Variants in ZNF836 observed in about 807,000 individuals in gnomAD.
The protein encoded by ZNF836 is zinc finger protein 836.
In ZNF836, 12 loss-of-function variants were observed where a neutral mutation model predicts 7.4. That is an observed-to-expected ratio of 1.61 (90% CI 1.03 to 2.61). ZNF836 has a LOEUF of 2.61. ZNF836 is among the 30% of genes most tolerant of loss of function. The probability of loss-of-function intolerance (pLI) is 0.00; values close to 1 mark genes in which losing one functional copy is unlikely to be tolerated. For missense variants in ZNF836, 998 were observed against 1,126.2 expected (o/e 0.89, Z 1.63); for synonymous variants, 365 against 382.6 (o/e 0.95, Z 0.54).
At chr19:52,165,300 A>G (rs919270) in intron 3 of ZNF836, 119,640 of 152,128 alleles carry the variant, frequency 0.79, 47,435 homozygotes, top group African/African-American at 0.84. Context: ...CATCTGTGGT[A>G]AAGATAGCAT....
In ZNF836 at chr19:52,154,845, T is replaced by C. The variant is rs1600136059; in HGVS notation, c.*27A>G. The C allele has an allele frequency of 6.8e-7, 1 of 1,466,644 alleles. No individual in the cohort carries two copies. Among genetic ancestry groups the C allele is most frequent in the Non-Finnish European group, 9.0e-7 (1 of 1,106,348 alleles). The allele number at this position is 1,466,644 out of a possible 1,614,324, so 90.9% of individuals were successfully genotyped here. ...TGAGATTTCAGACGGAAGTGACAAATATACAAGCTATATCAATAAGTATGA... is the reference window on the plus strand; with the variant it reads ...TGAGATTTCAGACGGAAGTGACAAACATACAAGCTATATCAATAAGTATGA... On this transcript the variant is annotated 3_prime_UTR_variant, in exon 5 of 5. Transcript: ENST00000682614.
At chr19:52,165,116 C>T (rs919272) in intron 3 of ZNF836, 126,531 of 152,226 alleles carry the variant, frequency 0.83, 53,055 homozygotes, top group African/African-American at 0.89. Flanking sequence ...GCAAAGAAAA[C>T]GTAAGCAAGA....
Position 52,154,865 on chromosome 19 carries a change from G to A in ZNF836, c.*7C>T. The A allele has an allele frequency of 6.6e-7, 1 of 1,504,120 alleles. No homozygotes were observed. 93.2% of individuals were successfully genotyped at this position (1,504,120 alleles called of 1,614,324 possible). A position where few individuals can be genotyped will look rare whatever the true frequency, so the allele number is the denominator to read the frequency against. On this transcript the variant is annotated 3_prime_UTR_variant, in exon 5 of 5. Transcript: ENST00000682614. ...ACAAATATACAAGCTATATCAATAA[G>A]TATGAATTATTTGAACCCAGAAGTT...
Position 52,155,887 on chromosome 19 carries a change from C to T in ZNF836, c.1796G>A (p.Arg599His), listed in dbSNP as rs768321859. The stretch of plus-strand genomic sequence containing the variant: ...CTGCCCAGTATGAATTCTTAGATGA[C>T]GTGCTAGGCATGAGTAGTTCCTGAA... Reference protein sequence around the residue: ...TVFRNYSCLARHLRIHTGQKP... With the variant: ...TVFRNYSCLAHHLRIHTGQKP... The change falls in exon 5 of 5, where the codon CGT becomes CAT. Residue 599 changes from arginine (R) to histidine (H), a missense_variant. Coordinates refer to ENST00000682614, the MANE Select transcript of ZNF836 (RefSeq NM_001102657.3). The T allele has an allele frequency of 3.3e-5, 53 of 1,613,966 alleles. No individual in the cohort carries two copies. The highest frequency in any genetic ancestry group is 1.6e-4 in the African/African-American group (12 of 75,030).
In ZNF836 at chr19:52,155,184, AG is replaced by A. The variant is rs1160232154; in HGVS notation, c.2498del (p.Pro833LeufsTer50). On this transcript the variant is annotated frameshift_variant, in exon 5 of 5. Coordinates refer to ENST00000682614, the MANE Select transcript of ZNF836 (RefSeq NM_001102657.3). LOFTEE classifies it low-confidence loss of function (END_TRUNC). The part of the protein sequence containing the change: ...NHQKMHTGDK[P>X]YKCNECGKAF... ...CTTTACCACATTCATTACATTTGTA[AG>A]GTTTGTCCCCAGTATGCATTTTCTG... The A allele has an allele frequency of 6.2e-7, 1 of 1,613,812 alleles. No individual in the cohort carries two copies. Among genetic ancestry groups the A allele is most frequent in the African/African-American group, 1.3e-5 (1 of 74,838 alleles).
chr19:52,164,503 A>C (rs59011815), intron 3 of ZNF836, among the ~76,000 whole-genome samples: 1 of 22,112 alleles, frequency 4.5e-5, no homozygotes, highest in African/African-American at 2.8e-4. Flanking sequence ...AAAAGAGAGA[A>C]AGAAAGAAAG....
Position 52,154,695 on chromosome 19 carries a change from A to G in ZNF836, c.*177T>C. Reference sequence around the variant, plus strand: ...ACAAACAAAAAAACAAGATCTCACCAGAACTCACTATCCCAAGAAGAGCAA... The same window carrying G: ...ACAAACAAAAAAACAAGATCTCACCGGAACTCACTATCCCAAGAAGAGCAA... On this transcript the variant is annotated 3_prime_UTR_variant, in exon 5 of 5. Transcript: ENST00000682614. The G allele has an allele frequency of 5.7e-6, 3 of 526,866 alleles. No homozygotes were observed. In the East Asian group the frequency reaches 9.4e-5, roughly 16 times the overall value. 32.6% of individuals were successfully genotyped at this position (526,866 alleles called of 1,614,324 possible).
At position 52,156,905 on chromosome 19, in the gene ZNF836, G is replaced by C; in HGVS notation, c.778C>G (p.Leu260Val). The change falls in exon 5 of 5, where the codon CTA becomes GTA. Residue 260 changes from leucine (L) to valine (V), a missense_variant. Coordinates refer to ENST00000682614, the MANE Select transcript of ZNF836 (RefSeq NM_001102657.3). ...ECGKAFHRGS[L>V]LTIHQIVHTR... is the part of the protein sequence containing the mutation. ...TGGACTATCTGATGTATAGTTAGTAGTGAGCCCCGATGAAAGGCTTTGCCA... is the reference window on the plus strand; with the variant it reads ...TGGACTATCTGATGTATAGTTAGTACTGAGCCCCGATGAAAGGCTTTGCCA... 2 of 1,614,134 alleles carry C rather than the reference G, an allele frequency of 1.2e-6. No individual in the cohort carries two copies. Among genetic ancestry groups the C allele is most frequent in the Non-Finnish European group, 8.5e-7 (1 of 1,180,016 alleles).
At position 52,157,235 on chromosome 19, in the gene ZNF836, T is replaced by C; in HGVS notation, c.448A>G (p.Thr150Ala). Residue 150 changes from threonine (T) to alanine (A), a missense_variant, in exon 5 of 5, where the codon ACT (threonine) becomes GCT (alanine). Physicochemically the swap from Thr to Ala is moderately conservative, Grantham distance 58. Transcript: ENST00000682614. ...TCAGTTTGAAATTTCTGCAGTTCAG[T>C]CAGACGTGACTGAAAGCTTAATGTA... is the stretch of plus-strand genomic sequence containing the variant. ...QLTLSFQSRL[T>A]ELQKFQTEGK... 1 of 1,609,852 alleles carries C rather than the reference T, an allele frequency of 6.2e-7. No individual in the cohort carries two copies. The highest frequency in any genetic ancestry group is 1.1e-5 in the South Asian group (1 of 90,716).
In ZNF836 at chr19:52,154,829, A is replaced by G. The variant is rs369455596; in HGVS notation, c.*43T>C. 16 of 1,436,084 alleles carry G rather than the reference A, an allele frequency of 1.1e-5. No homozygotes were observed. In the African/African-American group the frequency reaches 2.3e-4, roughly 21 times the overall value. 89.0% of individuals were successfully genotyped at this position (1,436,084 alleles called of 1,614,324 possible). A position where few individuals can be genotyped will look rare whatever the true frequency, so the allele number is the denominator to read the frequency against. On this transcript the variant is annotated 3_prime_UTR_variant, in exon 5 of 5. Coordinates refer to ENST00000682614, the MANE Select transcript of ZNF836 (RefSeq NM_001102657.3). ...GGATTAAAATTCCACATGAGATTTCAGACGGAAGTGACAAATATACAAGCT... is the reference window on the plus strand; with the variant it reads ...GGATTAAAATTCCACATGAGATTTCGGACGGAAGTGACAAATATACAAGCT...
In ZNF836 at chr19:52,156,239, T is replaced by A. The variant is rs1465093217; in HGVS notation, c.1444A>T (p.Thr482Ser). The A allele has an allele frequency of 1.2e-6, 2 of 1,614,136 alleles. No individual in the cohort carries two copies. Among genetic ancestry groups the A allele is most frequent in the South Asian group, 2.2e-5 (2 of 91,074 alleles). ...CTCCGATGCCCCACAAGATGTGAAG[T>A]CTGACTGAAGACCTTGCCACATTCA... Reference protein sequence around the residue: ...CNECGKVFSQTSHLVGHRRIH... With the variant: ...CNECGKVFSQSSHLVGHRRIH... Residue 482 changes from threonine to serine, a missense_variant, in exon 5 of 5, where the codon ACT becomes TCT. Thr to Ser is a moderately conservative substitution (Grantham distance 58). Transcript: ENST00000682614.
chr19:52,156,602 C>G lies in ZNF836; in HGVS notation c.1081G>C (p.Asp361His). The stretch of plus-strand genomic sequence containing the variant: ...TGCCTGAAGACCTTGCCACATATAT[C>G]ACATTGATATGGTTTCTCTCCTGTA... ...IHTGEKPYQC[D>H]ICGKVFRQNS... Residue 361 changes from aspartate to histidine, a missense_variant, in exon 5 of 5, where the codon GAT (aspartate) becomes CAT (histidine). Coordinates refer to ENST00000682614, the MANE Select transcript of ZNF836 (RefSeq NM_001102657.3). The G allele has an allele frequency of 6.2e-7, 1 of 1,613,372 alleles. No individual in the cohort carries two copies. Among genetic ancestry groups the G allele is most frequent in the Non-Finnish European group, 8.5e-7 (1 of 1,179,516 alleles).
rs1249664862 is a variant in ZNF836 at position 52,155,188 on chromosome 19, T to G, written c.2495A>C (p.Lys832Thr). The change falls in exon 5 of 5, where the codon AAA (lysine) becomes ACA (threonine). Residue 832 changes from lysine to threonine, a missense_variant. By Grantham distance (78) the Lys-to-Thr change is moderately conservative (BLOSUM62 -1). Transcript: ENST00000682614. ...VNHQKMHTGD[K>T]PYKCNECGKA... ...ACCACATTCATTACATTTGTAAGGTTTGTCCCCAGTATGCATTTTCTGATG... is the reference window on the plus strand; with the variant it reads ...ACCACATTCATTACATTTGTAAGGTGTGTCCCCAGTATGCATTTTCTGATG... 2 of 1,613,976 alleles carry G rather than the reference T, an allele frequency of 1.2e-6. No homozygotes were observed. Among genetic ancestry groups the G allele is most frequent in the Non-Finnish European group, 1.7e-6 (2 of 1,180,002 alleles).
In ZNF836 at chr19:52,155,900, A is replaced by C. The variant is rs1568569231; in HGVS notation, c.1783T>G (p.Ser595Ala). The change falls in exon 5 of 5, where the codon TCA (serine) becomes GCA (alanine). Residue 595 changes from serine to alanine, a missense_variant. Transcript: ENST00000682614. ...NECGTVFRNY[S>A]CLARHLRIHT... ...ATTCTTAGATGACGTGCTAGGCATG[A>C]GTAGTTCCTGAAGACTGTGCCACAT... 3 of 1,613,866 alleles carry C rather than the reference A, an allele frequency of 1.9e-6. No homozygotes were observed. The highest frequency in any genetic ancestry group is 2.5e-6 in the Non-Finnish European group (3 of 1,179,902).
chr19:52,156,577 T>C lies in ZNF836; in HGVS notation c.1106A>G (p.Gln369Arg), dbSNP rs2089162710. The change falls in exon 5 of 5, where the codon CAG becomes CGG. Residue 369 changes from glutamine to arginine, a missense_variant. Physicochemically the swap from Gln to Arg is conservative, Grantham distance 43. Transcript: ENST00000682614. ...CTGGTGATTTACAAGATTAGAATTC[T>C]GCCTGAAGACCTTGCCACATATATC... ...QCDICGKVFR[Q>R]NSNLVNHQRI... 3.7e-6 allele frequency: 6 copies of C among 1,614,058 alleles called. No homozygotes were observed. In the East Asian group the frequency reaches 6.7e-5, roughly 18 times the overall value.
At chr19:52,165,017 G>C (rs34954768) in intron 3 of ZNF836, among the ~76,000 whole-genome samples, 3 of 152,130 alleles carry the variant, frequency 2.0e-5, no homozygotes, top group Admixed American at 6.6e-5. Flanking sequence ...TTAAACCTGG[G>C]AGGCGGAGGT....
chr19:52,166,906 C>T (rs187358227), intron 3 of ZNF836, among the ~76,000 whole-genome samples: 1 of 151,724 alleles, frequency 6.6e-6, no homozygotes, highest in African/African-American at 2.4e-5. Flanking sequence ...GCCTCAACTG[C>T]ATCTCTGCTT....
At chr19:52,158,536 A>C (rs2089186387) in intron 4 of ZNF836, among the ~76,000 whole-genome samples, 1 of 152,002 alleles carries the variant, frequency 6.6e-6, no homozygotes, top group South Asian at 2.1e-4. Context: ...TGAGGTCAGG[A>C]GTTCGAGACT....
chr19:52,168,125 A>C lies in ZNF836; in HGVS notation c.-53T>G. The stretch of plus-strand genomic sequence containing the variant: ...CCTCTTCTGGGCTTCTCTCTCAGTC[A>C]ATATAATTAATTCTTTACAAGTCAA... On this transcript the variant is annotated 5_prime_UTR_variant, in exon 3 of 5. In the 5' UTR this introduces an upstream ATG that the reference lacks. Transcript: ENST00000682614. 2 of 1,589,826 alleles carry C rather than the reference A, an allele frequency of 1.3e-6. No individual in the cohort carries two copies. The highest frequency in any genetic ancestry group is 4.5e-5 in the East Asian group (2 of 44,748).
Sources: allele counts gnomAD v4.1 joint callset (sites outside exome capture counted in the v4.1 genomes callset), GRCh38; gene constraint gnomAD v4.1.1; transcripts MANE v1.5; gene names NCBI Gene and HGNC (gene_info 2026-07-23, HGNC 2026-07-21).